SLC10A7: variants seen among roughly 807,000 people sequenced by gnomAD.
SLC10A7 encodes solute carrier family 10 member 7.
SLC10A7 carries 29 observed loss-of-function variants against 43.2 expected under a neutral mutation model. The observed-to-expected ratio is 0.67, with a 90% CI of 0.50 to 0.92. The LOEUF is 0.92. Ranked by LOEUF, SLC10A7 falls within the 40% of genes least tolerant of loss-of-function variation. SLC10A7 has a pLI of 0.00. For missense variants in SLC10A7, 295 were observed against 403.2 expected, an observed-to-expected ratio of 0.73 and a Z score of 2.30; for synonymous variants, 152 against 144.8, an observed-to-expected ratio of 1.05 and a Z score of -0.35.
chr4:146,327,088 G>T (rs1733184843), intron 5 of SLC10A7, among the ~76,000 whole-genome samples: 1 of 152,020 alleles, frequency 6.6e-6, no homozygotes, highest in Non-Finnish European at 1.5e-5. Context: ...AGTCCTTTTG[G>T]TATTTACATG....
chr4:146,285,779 T>C (rs956544098), intron 9 of SLC10A7, among the ~76,000 whole-genome samples: 2 of 150,666 alleles, frequency 1.3e-5, no homozygotes, highest in Non-Finnish European at 3.0e-5. Context: ...ACTGAGTTTG[T>C]AGTGGTAAAA....
chr4:146,481,190 G>A (rs1251652838), intron 4 of SLC10A7, among the ~76,000 whole-genome samples: 2 of 152,166 alleles, frequency 1.3e-5, no homozygotes, highest in Non-Finnish European at 1.5e-5. Context: ...AGCAGATGCA[G>A]TAATTCCCAT....
At chr4:146,260,359 G>A (rs1052742986) in intron 10 of SLC10A7, among the ~76,000 whole-genome samples, 3 of 152,182 alleles carry the variant, frequency 2.0e-5, no homozygotes, top group Admixed American at 2.0e-4. Context: ...CTAAGACATT[G>A]GGGGATGGGA....
intron 5 of SLC10A7, among the ~76,000 whole-genome samples, chr4:146,402,147 GCT>G (rs547380010): frequency 9.7e-4 from 148 of 152,228 alleles, no homozygotes; most frequent in Non-Finnish European, 1.8e-3. Context: ...CTGATTTTAG[GCT>G]CTTTCAGTGG....
At chr4:146,407,073 G>A (rs899766137) in intron 5 of SLC10A7, among the ~76,000 whole-genome samples, 2 of 152,184 alleles carry the variant, frequency 1.3e-5, no homozygotes, top group African/African-American at 4.8e-5. Context: ...TTTAGTGATG[G>A]GATCTTTCCT....
At chr4:146,488,616 A>G (rs764418817) in intron 4 of SLC10A7, among the ~76,000 whole-genome samples, 5 of 152,232 alleles carry the variant, frequency 3.3e-5, no homozygotes, top group Non-Finnish European at 7.3e-5. Flanking sequence ...CTTCCAGACC[A>G]GATCAACCCT....
chr4:146,287,994 C>G (rs1452189361), intron 9 of SLC10A7, among the ~76,000 whole-genome samples: 1 of 152,126 alleles, frequency 6.6e-6, no homozygotes, highest in Non-Finnish European at 1.5e-5. Context: ...CACAATGTGG[C>G]TAAAGAGGAT....
chr4:146,457,035 T>C (rs1350856648), intron 4 of SLC10A7, among the ~76,000 whole-genome samples: 1 of 152,012 alleles, frequency 6.6e-6, no homozygotes, highest in African/African-American at 2.4e-5. Flanking sequence ...CTGTGGACCA[T>C]ATGGTCATAA....
chr4:146,393,035 T>C (rs551551137), intron 5 of SLC10A7, among the ~76,000 whole-genome samples: 4 of 151,864 alleles, frequency 2.6e-5, no homozygotes, highest in African/African-American at 9.7e-5. Context: ...AATTCCATTG[T>C]TCAGGTCTCA....
At chr4:146,354,692 A>C (rs982624901) in intron 5 of SLC10A7, among the ~76,000 whole-genome samples, 1 of 151,418 alleles carries the variant, frequency 6.6e-6, no homozygotes, top group African/African-American at 2.4e-5. Context: ...AAACAGAGAT[A>C]TAGATCAATG....
chr4:146,476,059 A>G (rs545113162), intron 4 of SLC10A7, among the ~76,000 whole-genome samples: 10 of 152,188 alleles, frequency 6.6e-5, no homozygotes, highest in Non-Finnish European at 1.3e-4. Context: ...AAAGCTACAG[A>G]TAGGAGATAG....
At chr4:146,476,138 A>G (rs1472451518) in intron 4 of SLC10A7, among the ~76,000 whole-genome samples, 2 of 152,204 alleles carry the variant, frequency 1.3e-5, no homozygotes, top group Non-Finnish European at 2.9e-5. Flanking sequence ...GTAGAGGAGG[A>G]GGCAATGTAA....
intron 4 of SLC10A7, among the ~76,000 whole-genome samples, chr4:146,456,386 T>C (rs1732054331): frequency 6.6e-6 from 1 of 151,904 alleles, no homozygotes; most frequent in Admixed American, 6.6e-5. Context: ...CACCTAGAAT[T>C]AGTGTCAAAC....
rs576783540 is a variant in SLC10A7, at chr4:146,291,607, A to C, written c.773+1322T>G. ...TTTCCAGTTACTATTACTATTTCTA[A>C]TCTTCCTCTACTCCTTTTGTCTCAC... On this transcript the variant is annotated intron_variant, in intron 9 of 11. Coordinates refer to ENST00000335472, the MANE Select transcript of SLC10A7 (RefSeq NM_001029998.6). Among the ~76,000 whole-genome samples the C allele has an allele frequency of 2.0e-5, 3 of 151,644 alleles. No homozygotes were observed. In the East Asian group the frequency reaches 5.8e-4, roughly 30 times the overall value.
Position 146,255,711 on chromosome 4 carries a change from T to C in SLC10A7, c.*780A>G, listed in dbSNP as rs1466133679. 2 of 152,224 alleles carry C rather than the reference T, an allele frequency of 1.3e-5. No individual in the cohort carries two copies. Among genetic ancestry groups the C allele is most frequent in the East Asian group, 1.9e-4 (1 of 5,204 alleles). The allele number at this position is 152,224 out of a possible 1,614,324, so 9.4% of individuals were successfully genotyped here. ...TTTTGTGCCTCATATTTGGCTGTTA[T>C]GAGTGTGTAAGTGCAAGACAGAAAT... On this transcript the variant is annotated 3_prime_UTR_variant, in exon 12 of 12. Coordinates refer to ENST00000335472, the MANE Select transcript of SLC10A7 (RefSeq NM_001029998.6).
intron 6 of SLC10A7, among the ~76,000 whole-genome samples, chr4:146,316,206 A>G (rs1732312352): frequency 6.6e-6 from 1 of 152,118 alleles, no homozygotes; most frequent in Non-Finnish European, 1.5e-5. Flanking sequence ...AATAAAGAAG[A>G]ACAAGAATTT....
chr4:146,256,846 A>G, intron 11 of SLC10A7: 1 of 1,535,864 alleles, frequency 6.5e-7, no homozygotes, highest in South Asian at 1.2e-5. Flanking sequence ...GACTCTTGGT[A>G]TTTATTTTAA....
chr4:146,442,220 GA>G, intron 5 of SLC10A7: 1 of 954,300 alleles, frequency 1.0e-6, no homozygotes, highest in Non-Finnish European at 1.2e-6. Flanking sequence ...TATGAAAGCT[GA>G]ACTACTTTTG....
chr4:146,449,791 C>A (rs1419440797), intron 4 of SLC10A7, among the ~76,000 whole-genome samples: 1 of 152,132 alleles, frequency 6.6e-6, no homozygotes, highest in Non-Finnish European at 1.5e-5. Context: ...AAAAGTATAA[C>A]TTCCTATGTT....
Sources: allele counts gnomAD v4.1 joint callset (sites outside exome capture counted in the v4.1 genomes callset), GRCh38; gene constraint gnomAD v4.1.1; transcripts MANE v1.5; gene names NCBI Gene and HGNC (gene_info 2026-07-23, HGNC 2026-07-21).